The following CSMD1 variants were observed in gnomAD, a reference collection of about 807,000 sequenced individuals.
CSMD1 encodes CUB and sushi domain-containing protein 1.
Under a neutral mutation model 417.5 loss-of-function variants are expected in CSMD1, and 213 were observed. The observed-to-expected ratio is 0.51, with a 90% CI of 0.46 to 0.57. The LOEUF is 0.57. Ranked by LOEUF, CSMD1 falls within the 20% of genes least tolerant of loss-of-function variation. The probability of loss-of-function intolerance (pLI) is 0.00; values close to 1 mark genes in which losing one functional copy is unlikely to be tolerated. For synonymous variants in CSMD1, 2,862 were observed against 1,736.8 expected (o/e 1.65, Z -16.11); for missense variants, 6,923 against 4,529.7 (o/e 1.53, Z -15.17).
intron 3 of CSMD1, among the ~76,000 whole-genome samples, chr8:4,067,935 G>C (rs935726257): frequency 6.6e-6 from 1 of 152,046 alleles, no homozygotes; most frequent in Non-Finnish European, 1.5e-5. Flanking sequence ...AAATTAACTG[G>C]GCATGGTGGT....
Position 4,727,727 on chromosome 8 carries a change from C to T in CSMD1, c.86-90169G>A, listed in dbSNP as rs78993356. Among the ~76,000 whole-genome samples the T allele has an allele frequency of 6.1e-3, 922 of 151,224 alleles. 14 individuals carry two copies. The highest frequency in any genetic ancestry group is 0.022 in the African/African-American group (888 of 40,696). ...CCTGTGTTCTGCCAGTAATCTTCCT[C>T]TTTCCTCTTTTTCTTCTCTGAATCT... is the stretch of plus-strand genomic sequence containing the variant. On this transcript the variant is annotated intron_variant, in intron 1 of 69. Transcript: ENST00000635120.
chr8:4,081,091 C>G (rs1219734159), intron 3 of CSMD1, among the ~76,000 whole-genome samples: 1 of 152,168 alleles, frequency 6.6e-6, no homozygotes, highest in East Asian at 1.9e-4. Flanking sequence ...ACTTTGGAAG[C>G]AGAGAGATTG....
Position 4,888,504 on chromosome 8 carries a change from TGAGAGAGAGAGA to T in CSMD1, c.85+105816_85+105827del, listed in dbSNP as rs147909163. ...ACATACAGAAGGATAGACTGATAGA[TGAGAGAGAGAGA>T]GAGAGAGAGAGAGGTATGTGTGTGT... On this transcript the variant is annotated intron_variant, in intron 1 of 69. Coordinates refer to ENST00000635120, the MANE Select transcript of CSMD1 (RefSeq NM_033225.6). Among the ~76,000 whole-genome samples, 11 of 145,294 alleles carry T rather than the reference TGAGAGAGAGAGA, an allele frequency of 7.6e-5. No homozygotes were observed. The Middle Eastern group carries it at 0.011, about 143-fold the overall frequency.
At chr8:4,456,582 C>G (rs934087199) in intron 2 of CSMD1, among the ~76,000 whole-genome samples, 1 of 152,098 alleles carries the variant, frequency 6.6e-6, no homozygotes, top group African/African-American at 2.4e-5. Flanking sequence ...TGTCTTCTCA[C>G]AAACACGGCT....
chr8:3,525,080 G>A (rs1378302614), intron 10 of CSMD1, among the ~76,000 whole-genome samples: 1 of 152,158 alleles, frequency 6.6e-6, no homozygotes, highest in Non-Finnish European at 1.5e-5. Context: ...GCCAACTAAA[G>A]TGAATCTCTT....
intron 1 of CSMD1, among the ~76,000 whole-genome samples, chr8:4,745,684 A>G (rs572673184): frequency 1.1e-4 from 16 of 152,354 alleles, no homozygotes; most frequent in Non-Finnish European, 1.9e-4. Flanking sequence ...TTAAGCTTTC[A>G]CAATTCTTAG....
At chr8:3,394,037 T>TATAG (rs1811534155) in intron 17 of CSMD1, among the ~76,000 whole-genome samples, 2 of 97,420 alleles carry the variant, frequency 2.1e-5, no homozygotes, top group Non-Finnish European at 4.6e-5. Flanking sequence ...TATATATATA[T>TATAG]ATATATATAT....
chr8:4,222,087 G>A (rs1180730134), intron 3 of CSMD1, among the ~76,000 whole-genome samples: 1 of 135,420 alleles, frequency 7.4e-6, no homozygotes, highest in Non-Finnish European at 1.6e-5. Flanking sequence ...GCCATTAGTG[G>A]AAGAAAGATC....
At chr8:4,776,458 C>T (rs1017871971) in intron 1 of CSMD1, among the ~76,000 whole-genome samples, 1 of 152,110 alleles carries the variant, frequency 6.6e-6, no homozygotes, top group African/African-American at 2.4e-5. Flanking sequence ...AGGCAGCACT[C>T]GGGCTCAGAG....
At position 3,466,459 on chromosome 8, in the gene CSMD1, G is replaced by A. The variant is rs552316771; in HGVS notation, c.1561+2253C>T. On this transcript the variant is annotated intron_variant, in intron 12 of 69. Coordinates refer to ENST00000635120, the MANE Select transcript of CSMD1 (RefSeq NM_033225.6). Reference sequence around the variant, plus strand: ...GAGTCTCACTCTGTTGCCTAGGCTGGAGTGCAGTGGCACGATCTTGGCTCA... The same window carrying A: ...GAGTCTCACTCTGTTGCCTAGGCTGAAGTGCAGTGGCACGATCTTGGCTCA... Among the ~76,000 whole-genome samples the A allele has an allele frequency of 1.1e-4, 17 of 151,870 alleles. 1 individual carries two copies. The South Asian group carries it at 3.5e-3, about 32-fold the overall frequency.
intron 53 of CSMD1, among the ~76,000 whole-genome samples, chr8:2,999,173 G>A (rs1313558556): frequency 6.0e-5 from 3 of 50,366 alleles, no homozygotes; most frequent in Non-Finnish European, 9.5e-5. Context: ...TTTTTTTTTT[G>A]AGATAGAGTC....
At chr8:3,817,890 C>G (rs904383182) in intron 5 of CSMD1, among the ~76,000 whole-genome samples, 3 of 152,132 alleles carry the variant, frequency 2.0e-5, no homozygotes, top group Non-Finnish European at 2.9e-5. Flanking sequence ...GACATTCTTG[C>G]TAAGATGCAG....
chr8:4,928,870 G>A (rs1025299088), intron 1 of CSMD1, among the ~76,000 whole-genome samples: 1 of 152,076 alleles, frequency 6.6e-6, no homozygotes, highest in East Asian at 1.9e-4. Context: ...GGGAGTTCGA[G>A]ACCAGCCTGC....
chr8:3,262,632 A>G (rs541290881), intron 26 of CSMD1, among the ~76,000 whole-genome samples: 14 of 152,248 alleles, frequency 9.2e-5, no homozygotes, highest in Admixed American at 2.0e-4. Flanking sequence ...AAGCACAGGT[A>G]TTAAAGTAGA....
At chr8:4,334,635 A>G (rs1207217531) in intron 3 of CSMD1, among the ~76,000 whole-genome samples, 3 of 152,180 alleles carry the variant, frequency 2.0e-5, no homozygotes, top group Admixed American at 6.5e-5. Flanking sequence ...TGACTAATAC[A>G]TAGCTTTATA....
intron 7 of CSMD1, among the ~76,000 whole-genome samples, chr8:3,674,922 C>T (rs1160664899): frequency 6.6e-6 from 1 of 152,122 alleles, no homozygotes. Context: ...TGAACTTATG[C>T]AACACGTCAC....
chr8:4,418,267 G>A (rs1222319538), intron 3 of CSMD1, among the ~76,000 whole-genome samples: 1 of 151,936 alleles, frequency 6.6e-6, no homozygotes, highest in South Asian at 2.1e-4. Context: ...TCAACTTATG[G>A]CCCTATTCCA....
At chr8:4,138,698 A>C (rs73176383) in intron 3 of CSMD1, among the ~76,000 whole-genome samples, 44,923 of 151,924 alleles carry the variant, frequency 0.3, 8,053 homozygotes, top group Non-Finnish European at 0.39. Flanking sequence ...TAATGAATTC[A>C]ATATTTCTTC....
chr8:4,865,776 C>G (rs1802390349), intron 1 of CSMD1, among the ~76,000 whole-genome samples: 1 of 151,758 alleles, frequency 6.6e-6, no homozygotes, highest in South Asian at 2.1e-4. Flanking sequence ...CAAACAAAAC[C>G]TCAATCTATG....
Sources: gnomAD v4.1 joint callset for allele counts (sites outside exome capture counted in the v4.1 genomes callset) on GRCh38, gnomAD v4.1.1 for gene constraint, MANE v1.5 for transcripts, NCBI Gene and HGNC (gene_info 2026-07-23, HGNC 2026-07-21) for gene names.